Variants in DLG2 observed in about 807,000 individuals in gnomAD.
The protein encoded by DLG2 is disks large homolog 2.
In DLG2, 45 loss-of-function variants were observed where a neutral mutation model predicts 132.5. The observed-to-expected ratio is 0.34, with a 90% CI of 0.27 to 0.44. The LOEUF is 0.44. Among genes scored for constraint, DLG2 ranks in the 20% least tolerant of loss-of-function variants. The pLI is 1.00. For synonymous variants in DLG2, 424 were observed against 419.6 expected (o/e 1.01, Z -0.13); for missense variants, 1,045 against 1,196.9 (o/e 0.87, Z 1.87).
intron 7 of DLG2, among the ~76,000 whole-genome samples, chr11:84,480,209 T>C (rs1174876993): frequency 6.6e-6 from 1 of 152,120 alleles, no homozygotes; most frequent in Non-Finnish European, 1.5e-5. Context: ...AACCCCAAAA[T>C]CTTTAAGTTG....
chr11:85,129,173 T>A (rs1350013372), intron 5 of DLG2, among the ~76,000 whole-genome samples: 1 of 152,134 alleles, frequency 6.6e-6, no homozygotes, highest in Non-Finnish European at 1.5e-5. Flanking sequence ...ACAGAAACAT[T>A]TGAGAAAAAG....
At chr11:84,518,719 C>G (rs2099281801) in intron 7 of DLG2, among the ~76,000 whole-genome samples, 1 of 152,076 alleles carries the variant, frequency 6.6e-6, no homozygotes. Flanking sequence ...CACCCAGTGA[C>G]AGCAGCAATT....
intron 3 of DLG2, among the ~76,000 whole-genome samples, chr11:85,306,863 C>T (rs1343424217): frequency 2.0e-5 from 3 of 152,190 alleles, no homozygotes; most frequent in African/African-American, 7.2e-5. Context: ...TGAGCCACCA[C>T]GCCTGGCCAG....
At chr11:84,270,312 C>A (rs924093832) in intron 7 of DLG2, among the ~76,000 whole-genome samples, 1 of 152,182 alleles carries the variant, frequency 6.6e-6, no homozygotes, top group Non-Finnish European at 1.5e-5. Flanking sequence ...TGCTGTTTTG[C>A]ACTTGTGGCT....
At chr11:83,541,655 A>G in intron 20 of DLG2, 27 bp downstream of exon 20, 2 of 1,535,200 alleles carry the variant, frequency 1.3e-6, no homozygotes, top group African/African-American at 1.4e-5. Flanking sequence ...TGACAAGCAA[A>G]TATTCTAGTA....
chr11:84,645,522 C>G (rs754609477), intron 6 of DLG2, among the ~76,000 whole-genome samples: 4 of 152,156 alleles, frequency 2.6e-5, no homozygotes, highest in Admixed American at 6.5e-5. Context: ...GGCCAGAGTG[C>G]AGTCGCACGA....
intron 6 of DLG2, among the ~76,000 whole-genome samples, chr11:84,698,604 G>A (rs954852646): frequency 4.6e-5 from 7 of 151,394 alleles, no homozygotes; most frequent in African/African-American, 1.2e-4. Flanking sequence ...CATATACTTC[G>A]TTCTAAGTTT....
intron 7 of DLG2, among the ~76,000 whole-genome samples, chr11:84,384,271 T>C (rs138395464): frequency 6.6e-6 from 1 of 152,028 alleles, no homozygotes; most frequent in East Asian, 1.9e-4. Context: ...ACAGGGCTAT[T>C]ATTTAATGAG....
chr11:84,725,557 C>A (rs2062344136), intron 6 of DLG2, among the ~76,000 whole-genome samples: 1 of 152,154 alleles, frequency 6.6e-6, no homozygotes, highest in Admixed American at 6.5e-5. Context: ...AATGAGTTTA[C>A]AAACCAGTTG....
intron 15 of DLG2, among the ~76,000 whole-genome samples, chr11:83,903,235 C>G (rs1222186817): frequency 6.6e-6 from 1 of 151,824 alleles, no homozygotes; most frequent in African/African-American, 2.4e-5. Context: ...ATATAGTAAA[C>G]TCCCTAATAA....
chr11:84,653,309 T>C (rs867010054), intron 6 of DLG2, among the ~76,000 whole-genome samples: 1 of 152,174 alleles, frequency 6.6e-6, no homozygotes, highest in African/African-American at 2.4e-5. Flanking sequence ...GCAGTTTCAA[T>C]TCTAACTGAA....
intron 7 of DLG2, among the ~76,000 whole-genome samples, chr11:84,291,648 A>G (rs550849476): frequency 8.6e-4 from 131 of 152,340 alleles, no homozygotes; most frequent in African/African-American, 3.0e-3. Context: ...CTGACAGATG[A>G]CACAAAGATC....
chr11:85,615,018 A>G (rs2081248699), intron 2 of DLG2, among the ~76,000 whole-genome samples: 1 of 152,208 alleles, frequency 6.6e-6, no homozygotes. Flanking sequence ...CCCTCCCTAA[A>G]AAAGAATTGT....
At chr11:83,886,151 G>A (rs1013007028) in intron 15 of DLG2, among the ~76,000 whole-genome samples, 3 of 152,142 alleles carry the variant, frequency 2.0e-5, no homozygotes, top group African/African-American at 7.2e-5. Flanking sequence ...GACACAGACT[G>A]GCAAATTGGA....
intron 14 of DLG2, among the ~76,000 whole-genome samples, chr11:83,947,482 G>A (rs2084327903): frequency 6.6e-6 from 1 of 152,264 alleles, no homozygotes; most frequent in African/African-American, 2.4e-5. Flanking sequence ...CTGTAAGAGT[G>A]TTTCCCCCGC....
intron 4 of DLG2, among the ~76,000 whole-genome samples, chr11:85,252,310 G>A (rs1490281051): frequency 1.3e-5 from 2 of 152,224 alleles, no homozygotes; most frequent in East Asian, 3.8e-4. Context: ...CATCATGTAA[G>A]AGAGGGACAG....
intron 3 of DLG2, among the ~76,000 whole-genome samples, chr11:85,331,159 C>A (rs1341269933): frequency 6.6e-6 from 1 of 152,084 alleles, no homozygotes; most frequent in African/African-American, 2.4e-5. Flanking sequence ...AAGATCTGAA[C>A]CTGATTTTGT....
intron 19 of DLG2, among the ~76,000 whole-genome samples, chr11:83,549,885 T>C (rs2096344156): frequency 6.6e-6 from 1 of 152,182 alleles, no homozygotes; most frequent in Non-Finnish European, 1.5e-5. Context: ...GTAAGGTACT[T>C]AACCTCTATG....
Position 85,543,321 on chromosome 11 carries a change from AT to A in DLG2, c.40+55335del, listed in dbSNP as rs752683510. On this transcript the variant is annotated intron_variant, in intron 3 of 27. Coordinates refer to ENST00000376104, the MANE Select transcript of DLG2 (RefSeq NM_001142699.3). The stretch of plus-strand genomic sequence containing the variant: ...TCCCTGCAAAGGATATTAATTCATC[AT>A]TTTTTATGGCTGCTTAGTATTCCAT... Among the ~76,000 whole-genome samples the A allele has an allele frequency of 9.2e-5, 14 of 152,204 alleles. No homozygotes were observed. The South Asian group carries it at 2.9e-3, about 32-fold the overall frequency.
Sources: gnomAD v4.1 joint callset for allele counts (sites outside exome capture counted in the v4.1 genomes callset) on GRCh38, gnomAD v4.1.1 for gene constraint, MANE v1.5 for transcripts, NCBI Gene and HGNC (gene_info 2026-07-23, HGNC 2026-07-21) for gene names.